The following SVEP1 variants were observed in gnomAD, a reference collection of about 807,000 sequenced individuals.
SVEP1 encodes sushi, von Willebrand factor type A, EGF and pentraxin domain-containing protein 1.
Under a neutral mutation model 367.3 loss-of-function variants are expected in SVEP1, and 164 were observed. The observed-to-expected ratio is 0.45, with a 90% CI of 0.39 to 0.51. The LOEUF (loss-of-function observed/expected upper bound fraction) is 0.51, where lower values mean the gene tolerates loss of function less well. SVEP1 is among the 20% of genes least tolerant of loss of function. The probability of loss-of-function intolerance (pLI) is 0.00; values close to 1 mark genes in which losing one functional copy is unlikely to be tolerated. For synonymous variants in SVEP1, 1,666 were observed against 1,611.6 expected, an observed-to-expected ratio of 1.03 and a Z score of -0.81; for missense variants, 4,117 against 4,425.3, an observed-to-expected ratio of 0.93 and a Z score of 1.98.
chr9:110,473,338 A>G (rs1829049053), intron 14 of SVEP1, among the ~76,000 whole-genome samples: 1 of 152,210 alleles, frequency 6.6e-6, no homozygotes, highest in African/African-American at 2.4e-5. Context: ...AATTACTACA[A>G]TGCTACCACA....
intron 40 of SVEP1, among the ~76,000 whole-genome samples, chr9:110,399,747 T>C (rs1051464976): frequency 6.6e-6 from 1 of 152,168 alleles, no homozygotes; most frequent in Non-Finnish European, 1.5e-5. Context: ...TTGCCCAGCC[T>C]GGTCTTGAAC....
intron 27 of SVEP1, among the ~76,000 whole-genome samples, chr9:110,440,081 A>G (rs1054618239): frequency 1.2e-4 from 18 of 152,068 alleles, no homozygotes; most frequent in African/African-American, 4.3e-4. Context: ...ACTAAATGAA[A>G]TGAACACAAA....
intron 35 of SVEP1, among the ~76,000 whole-genome samples, chr9:110,428,320 A>G (rs923973924): frequency 6.6e-6 from 1 of 150,748 alleles, no homozygotes; most frequent in Non-Finnish European, 1.5e-5. Context: ...CTTTCTCTTC[A>G]CTCGATCTGT....
rs566145001 is a variant in SVEP1, at chr9:110,579,077, T to C, written c.467A>G (p.Glu156Gly). Residue 156 changes from glutamate to glycine, a missense_variant, in exon 1 of 48, where the codon GAG (glutamate) becomes GGG (glycine). Glu to Gly is a moderately conservative substitution (Grantham distance 98). Transcript: ENST00000374469. This position sits in a 1 kb window ranked among gnomAD's most constrained non-coding sequence, Gnocchi z 5.3. Reference protein sequence around the residue: ...RQHKCALLLQEIPAISYRGGG... With the variant: ...RQHKCALLLQGIPAISYRGGG... Reference sequence around the variant, plus strand: ...ACCTCGGTAGGAGATGGCAGGGATCTCTTGGAGGAGCAGCGCGCACTTGTG... The same window carrying C: ...ACCTCGGTAGGAGATGGCAGGGATCCCTTGGAGGAGCAGCGCGCACTTGTG... The C allele has an allele frequency of 2.7e-5, 42 of 1,551,098 alleles. No homozygotes were observed. Among genetic ancestry groups the C allele is most frequent in the Non-Finnish European group, 3.4e-5 (39 of 1,147,444 alleles).
At chr9:110,452,948 T>C (rs981607815) in intron 22 of SVEP1, among the ~76,000 whole-genome samples, 5 of 152,224 alleles carry the variant, frequency 3.3e-5, no homozygotes, top group African/African-American at 4.8e-5. Context: ...CTGTATAAAC[T>C]CAATATATCT....
Position 110,436,438 on chromosome 9 carries a change from G to T in SVEP1, c.4706C>A (p.Ser1569Tyr), listed in dbSNP as rs745894651. The change falls in exon 28 of 48, where the codon TCT (serine) becomes TAT (tyrosine). Residue 1569 changes from serine to tyrosine, a missense_variant. Ser to Tyr is a moderately radical substitution (Grantham distance 144). This residue lies in a region of SVEP1 where 2,174 missense variants were observed against 2,494.3 expected (regional missense o/e 0.87). Coordinates refer to ENST00000374469, the MANE Select transcript of SVEP1 (RefSeq NM_153366.4). ...KKGEGFSPAESFVGSISQLNL... is the reference protein window; with the variant it reads ...KKGEGFSPAEYFVGSISQLNL... ...GAGCTGGCTTATGGAGCCCACAAAAGACTCAGCTGGGCTGAATCCCTCTCC... is the reference window on the plus strand; with the variant it reads ...GAGCTGGCTTATGGAGCCCACAAAATACTCAGCTGGGCTGAATCCCTCTCC... The T allele has an allele frequency of 4.3e-6, 7 of 1,613,968 alleles. No individual in the cohort carries two copies. The highest frequency in any genetic ancestry group is 5.1e-6 in the Non-Finnish European group (6 of 1,179,868).
At chr9:110,490,963 G>A (rs1315201672) in intron 8 of SVEP1, among the ~76,000 whole-genome samples, 1 of 151,886 alleles carries the variant, frequency 6.6e-6, no homozygotes, top group Admixed American at 6.6e-5. Context: ...AGATTAGAAA[G>A]CTACTCATGA....
In SVEP1 at chr9:110,503,106, A is replaced by G. The variant is rs757817215; in HGVS notation, c.1415T>C (p.Leu472Pro). 6.2e-7 allele frequency: 1 copy of G among 1,611,992 alleles called. No homozygotes were observed. Residue 472 changes from leucine to proline, a missense_variant, in exon 6 of 48, where the codon CTA becomes CCA. Leu to Pro is a moderately conservative substitution (Grantham distance 98). Transcript: ENST00000374469. Reference protein sequence around the residue: ...CLVACDEGYRLEGSDKLTCQG... With the variant: ...CLVACDEGYRPEGSDKLTCQG... ...ACAAGTAAGCTTATCACTGCCTTCT[A>G]GTCTGTACCCTTCATCACAGGCAAC...
At chr9:110,426,281 A>G (rs964364354) in intron 36 of SVEP1, among the ~76,000 whole-genome samples, 1 of 152,214 alleles carries the variant, frequency 6.6e-6, no homozygotes, top group Admixed American at 6.5e-5. Context: ...TATTAGTGGA[A>G]TGGTTTTCTA....
chr9:110,435,243 G>C lies in SVEP1; in HGVS notation c.4886C>G (p.Ser1629Cys). 6.2e-7 allele frequency: 1 copy of C among 1,612,530 alleles called. No homozygotes were observed. The highest frequency in any genetic ancestry group is 2.2e-5 in the East Asian group (1 of 44,810). The change falls in exon 29 of 48, where the codon TCT (serine) becomes TGT (cysteine). Residue 1629 changes from serine to cysteine, a missense_variant and splice_region_variant. By Grantham distance (112) the Ser-to-Cys change is moderately radical. This residue lies in a region of SVEP1 where 2,174 missense variants were observed against 2,494.3 expected (regional missense o/e 0.87). Coordinates refer to ENST00000374469, the MANE Select transcript of SVEP1 (RefSeq NM_153366.4). Reference protein sequence around the residue: ...VKIDSKSIFCSDCPRLGGSVP... With the variant: ...VKIDSKSIFCCDCPRLGGSVP... Reference sequence around the variant, plus strand: ...CTATGAAAGAAGGAAATTCTCACCAGAACAAAATATGCTCTTAGAATCGAT... The same window carrying C: ...CTATGAAAGAAGGAAATTCTCACCACAACAAAATATGCTCTTAGAATCGAT...
intron 36 of SVEP1, among the ~76,000 whole-genome samples, chr9:110,412,374 A>G (rs557151519): frequency 6.6e-6 from 1 of 152,344 alleles, no homozygotes; most frequent in East Asian, 1.9e-4. Context: ...CCATGTGGCT[A>G]GAGTTGAAAG....
chr9:110,497,080 G>A lies in SVEP1; in HGVS notation c.1682-147C>T, dbSNP rs74636041. ...GATTGTTCGGAATCTGCACCCACCT[G>A]CTTTCCTGATCATTTATCTCAGCAT... On this transcript the variant is annotated intron_variant, in intron 7 of 47. Coordinates refer to ENST00000374469, the MANE Select transcript of SVEP1 (RefSeq NM_153366.4). 1,167 of 526,508 alleles carry A rather than the reference G, an allele frequency of 2.2e-3. 13 individuals carry two copies. Among genetic ancestry groups the A allele is most frequent in the African/African-American group, 0.02 (1,067 of 52,706 alleles). The allele number at this position is 526,508 out of a possible 1,614,324, so 32.6% of individuals were successfully genotyped here.
chr9:110,577,176 G>T (rs1246737423), intron 1 of SVEP1, among the ~76,000 whole-genome samples: 1 of 151,952 alleles, frequency 6.6e-6, no homozygotes, highest in Non-Finnish European at 1.5e-5. Flanking sequence ...TAATAAGTGG[G>T]TAAGAATTAA....
At position 110,504,213 on chromosome 9, in the gene SVEP1, C is replaced by T. The variant is rs1473652091; in HGVS notation, c.1304-996G>A. Reference sequence around the variant, plus strand: ...GGGACTACAGGCGCCCTCTACCACGCCCGGCTATTTTTTTTTTTGAATTTT... The same window carrying T: ...GGGACTACAGGCGCCCTCTACCACGTCCGGCTATTTTTTTTTTTGAATTTT... On this transcript the variant is annotated intron_variant, in intron 5 of 47. Coordinates refer to ENST00000374469, the MANE Select transcript of SVEP1 (RefSeq NM_153366.4). Among the ~76,000 whole-genome samples the T allele has an allele frequency of 2.4e-5, 3 of 123,376 alleles. No individual in the cohort carries two copies. The South Asian group carries it at 8.0e-4, about 33-fold the overall frequency. The allele number at this position is 123,376 out of a possible 152,430, so 80.9% of individuals were successfully genotyped here.
chr9:110,573,108 T>C (rs1230072751), intron 1 of SVEP1, among the ~76,000 whole-genome samples: 1 of 152,098 alleles, frequency 6.6e-6, no homozygotes, highest in Non-Finnish European at 1.5e-5. Context: ...CGATTGTTGA[T>C]GTTAAAACTA....
At chr9:110,386,187 A>G (rs1257434223) in intron 42 of SVEP1, 113 bp from the exon 43 acceptor site, 2 of 1,151,204 alleles carry the variant, frequency 1.7e-6, no homozygotes, top group Non-Finnish European at 2.3e-6. Context: ...ATGATCATAT[A>G]AGGTTTAAAA....
intron 3 of SVEP1, among the ~76,000 whole-genome samples, chr9:110,522,911 T>C (rs1428492410): frequency 6.6e-6 from 1 of 152,216 alleles, no homozygotes; most frequent in Admixed American, 6.5e-5. Context: ...TAGGCCTTGA[T>C]TGTCTCTAAC....
chr9:110,390,292 TATATATAC>T (rs1827627982), intron 40 of SVEP1, among the ~76,000 whole-genome samples: 1 of 36,374 alleles, frequency 2.7e-5, no homozygotes, highest in Non-Finnish European at 6.6e-5. Context: ...TATACATACT[TATATATAC>T]TTATATAAGT....
chr9:110,501,027 G>A (rs1054479065), intron 6 of SVEP1, among the ~76,000 whole-genome samples: 2 of 149,956 alleles, frequency 1.3e-5, no homozygotes, highest in Non-Finnish European at 3.0e-5. Context: ...TATATGTAAT[G>A]TGTTAAGTTC....
Sources: allele counts gnomAD v4.1 joint callset (sites outside exome capture counted in the v4.1 genomes callset), GRCh38; gene constraint gnomAD v4.1.1; regional missense constraint gnomAD v4.1.1; non-coding constraint Gnocchi (gnomAD v3.1); transcripts MANE v1.5; gene names NCBI Gene and HGNC (gene_info 2026-07-23, HGNC 2026-07-21).